ADIPOR2: variants seen among roughly 807,000 people sequenced by gnomAD.
The protein encoded by ADIPOR2 is adiponectin receptor protein 2.
ADIPOR2 carries 18 observed loss-of-function variants against 40.9 expected under a neutral mutation model. The observed-to-expected ratio is 0.44, with a 90% confidence interval of 0.30 to 0.65. ADIPOR2 has a LOEUF of 0.65. ADIPOR2 is among the 30% of genes least tolerant of loss of function. The pLI, the probability that ADIPOR2 is intolerant of heterozygous loss-of-function variation, is 0.09. For missense variants in ADIPOR2, 283 were observed against 479.2 expected (o/e 0.59, Z 3.82); for synonymous variants, 165 against 166.4 (o/e 0.99, Z 0.06).
chr12:1,782,976 C>CTTTTTTTCTTTTTTTTTTTT (rs1862750730), intron 6 of ADIPOR2, among the ~76,000 whole-genome samples: 1 of 109,752 alleles, frequency 9.1e-6, no homozygotes, highest in Non-Finnish European at 1.8e-5. Flanking sequence ...TTCTTTCTTT[C>CTTTTTTTCTTTTTTTTTTTT]TTTTTTTTTT....
At chr12:1,747,012 G>A (rs1346792836) in intron 1 of ADIPOR2, among the ~76,000 whole-genome samples, 1 of 151,768 alleles carries the variant, frequency 6.6e-6, no homozygotes, top group South Asian at 2.1e-4. Context: ...TCTAGTCTGG[G>A]CAACAGAGTA....
Position 1,780,640 on chromosome 12 carries a change from A to G in ADIPOR2, c.650+3A>G. On this transcript the variant is annotated splice_donor_region_variant and intron_variant, in intron 5 of 7. Coordinates refer to ENST00000357103, the MANE Select transcript of ADIPOR2 (RefSeq NM_024551.3). ...GGGGTCTCTCGGCTCTTCTCTAAGT[A>G]AGTATCTGTAAAGTCCGTATTTTGG... 1 of 1,577,470 alleles carries G rather than the reference A, an allele frequency of 6.3e-7. No homozygotes were observed. The highest frequency in any genetic ancestry group is 8.6e-7 in the Non-Finnish European group (1 of 1,166,924).
chr12:1,723,509 T>C (rs971811120), intron 1 of ADIPOR2, among the ~76,000 whole-genome samples: 1 of 142,546 alleles, frequency 7.0e-6, no homozygotes, highest in African/African-American at 2.7e-5. Flanking sequence ...TGGTGGTGGG[T>C]GCCTGTGCCT....
chr12:1,748,290 C>T (rs1233607028), intron 1 of ADIPOR2, among the ~76,000 whole-genome samples: 1 of 152,002 alleles, frequency 6.6e-6, no homozygotes, highest in Non-Finnish European at 1.5e-5. Context: ...TCTCTGTCGC[C>T]CAGGCTGGAG....
chr12:1,704,055 A>ATTTTTTTTT (rs57190793), intron 1 of ADIPOR2, among the ~76,000 whole-genome samples: 3 of 67,536 alleles, frequency 4.4e-5, no homozygotes, highest in Admixed American at 2.1e-4. Context: ...TCTACCTGGA[A>ATTTTTTTTT]TTTTTTTTTT....
chr12:1,729,617 G>GTTTTTTTTTTTTTT (rs56921758), intron 1 of ADIPOR2, among the ~76,000 whole-genome samples: 1 of 88,988 alleles, frequency 1.1e-5, no homozygotes, highest in Non-Finnish European at 2.2e-5. Flanking sequence ...TCAGCCAGTT[G>GTTTTTTTTTTTTTT]TTTTTTTTTT....
intron 5 of ADIPOR2, 100 bp downstream of exon 5, chr12:1,780,737 T>C: frequency 2.1e-6 from 3 of 1,401,418 alleles, no homozygotes; most frequent in Non-Finnish European, 2.9e-6. Flanking sequence ...TATCATCTCA[T>C]GCAAACTTTT....
At chr12:1,765,318 A>G (rs1052454522) in intron 2 of ADIPOR2, among the ~76,000 whole-genome samples, 3 of 152,192 alleles carry the variant, frequency 2.0e-5, no homozygotes, top group Non-Finnish European at 4.4e-5. Context: ...ATGTGCATAT[A>G]CACTTGCATA....
chr12:1,740,272 A>G (rs1318170702), intron 1 of ADIPOR2, among the ~76,000 whole-genome samples: 1 of 152,214 alleles, frequency 6.6e-6, no homozygotes, highest in Non-Finnish European at 1.5e-5. Flanking sequence ...GGCCTGCCAT[A>G]AAGTACTGCA....
Position 1,737,273 on chromosome 12 carries a change from A to G in ADIPOR2, c.-86-16985A>G, listed in dbSNP as rs1037412502. On this transcript the variant is annotated intron_variant, in intron 1 of 7. Transcript: ENST00000357103. ...AGATACAGAGTTTATGTACATCTCA[A>G]TGTACCTTTTATAGTTGAAGTTGTT... Among the ~76,000 whole-genome samples, 9 of 152,332 alleles carry G rather than the reference A, an allele frequency of 5.9e-5. No individual in the cohort carries two copies. In the South Asian group the frequency reaches 1.0e-3, roughly 18 times the overall value.
chr12:1,767,005 C>T (rs1056021537), intron 2 of ADIPOR2, among the ~76,000 whole-genome samples: 6 of 151,964 alleles, frequency 3.9e-5, no homozygotes, highest in African/African-American at 1.5e-4. Context: ...TGTGGTGGCT[C>T]ACGCCCGTAA....
intron 1 of ADIPOR2, among the ~76,000 whole-genome samples, chr12:1,736,366 T>C (rs1454527191): frequency 3.3e-5 from 5 of 152,264 alleles, no homozygotes; most frequent in Non-Finnish European, 5.9e-5. Flanking sequence ...TCCTAGATTT[T>C]CTAATTTATT....
rs1053384196 is a variant in ADIPOR2, at chr12:1,725,918, C to T, written c.-86-28340C>T. Among the ~76,000 whole-genome samples, 3 of 152,186 alleles carry T rather than the reference C, an allele frequency of 2.0e-5. No individual in the cohort carries two copies. In the East Asian group the frequency reaches 5.8e-4, roughly 29 times the overall value. ...TTTATTCATTCACTCAAGAAATCTT[C>T]ATTGAATGTCTACTGTGTATCAGTT... On this transcript the variant is annotated intron_variant, in intron 1 of 7. Transcript: ENST00000357103.
intron 2 of ADIPOR2, among the ~76,000 whole-genome samples, chr12:1,765,746 T>C (rs113202675): frequency 5.9e-5 from 9 of 152,174 alleles, no homozygotes; most frequent in Non-Finnish European, 8.8e-5. Flanking sequence ...CCTTTTTTCT[T>C]CTATAGCCTT....
chr12:1,757,321 G>A (rs1176078852), intron 2 of ADIPOR2: 8 of 678,494 alleles, frequency 1.2e-5, no homozygotes, highest in Admixed American at 8.8e-5. Flanking sequence ...AGAGAAGTCT[G>A]TGGTTTGTTG....
At chr12:1,741,763 A>G (rs908626517) in intron 1 of ADIPOR2, among the ~76,000 whole-genome samples, 5 of 152,204 alleles carry the variant, frequency 3.3e-5, no homozygotes, top group African/African-American at 1.2e-4. Flanking sequence ...TAAAATAACA[A>G]ATGTCAGGTT....
In ADIPOR2 at chr12:1,695,101, G is replaced by A. The variant is rs550122216; in HGVS notation, c.-87+3910G>A. On this transcript the variant is annotated intron_variant, in intron 1 of 7. Transcript: ENST00000357103. Reference sequence around the variant, plus strand: ...GGTGCCGTCATGGCTCTGCAGCCTCGACCTCCCGGGCTCAAGCGATCCTCC... The same window carrying A: ...GGTGCCGTCATGGCTCTGCAGCCTCAACCTCCCGGGCTCAAGCGATCCTCC... 5.4e-5 allele frequency among the ~76,000 whole-genome samples: 8 copies of A among 149,382 alleles called. 1 individual carries two copies. The highest frequency in any genetic ancestry group is 1.4e-4 in the Admixed American group (2 of 14,804).
chr12:1,745,447 A>G (rs1371649061), intron 1 of ADIPOR2, among the ~76,000 whole-genome samples: 2 of 152,196 alleles, frequency 1.3e-5, no homozygotes, highest in African/African-American at 4.8e-5. Flanking sequence ...TTAGATTTGT[A>G]TACGCTGAAT....
chr12:1,705,097 A>G (rs1250095677), intron 1 of ADIPOR2, among the ~76,000 whole-genome samples: 1 of 152,194 alleles, frequency 6.6e-6, no homozygotes, highest in Non-Finnish European at 1.5e-5. Context: ...TTGTTATTTA[A>G]TAATGGGAGA....
Sources: gnomAD v4.1 joint callset for allele counts (sites outside exome capture counted in the v4.1 genomes callset) on GRCh38, gnomAD v4.1.1 for gene constraint, MANE v1.5 for transcripts, NCBI Gene and HGNC (gene_info 2026-07-23, HGNC 2026-07-21) for gene names.